The following SKAP1 variants were observed in gnomAD, a reference collection of about 807,000 sequenced individuals.
The protein encoded by SKAP1 is src kinase-associated phosphoprotein 1.
Under a neutral mutation model 58.5 loss-of-function variants are expected in SKAP1, and 44 were observed. The ratio of observed to expected loss-of-function variants is 0.75; its 90% CI spans 0.59 to 0.97. The LOEUF (loss-of-function observed/expected upper bound fraction) is 0.97, where lower values mean the gene tolerates loss of function less well. Among genes scored for constraint, SKAP1 ranks in the 50% least tolerant of loss-of-function variants. The probability of loss-of-function intolerance (pLI) is 0.00; values close to 1 mark genes in which losing one functional copy is unlikely to be tolerated. For synonymous variants in SKAP1, 127 were observed against 149.7 expected, an observed-to-expected ratio of 0.85 and a Z score of 1.11; for missense variants, 390 against 435.2, an observed-to-expected ratio of 0.90 and a Z score of 0.92.
intron 1 of SKAP1, among the ~76,000 whole-genome samples, chr17:48,417,866 A>G (rs1037578070): frequency 1.1e-4 from 17 of 152,246 alleles, no homozygotes; most frequent in African/African-American, 4.1e-4. Flanking sequence ...ACATCCATCA[A>G]TAGGACAATT....
intron 4 of SKAP1, among the ~76,000 whole-genome samples, chr17:48,272,511 G>C (rs2065646081): frequency 6.6e-6 from 1 of 151,858 alleles, no homozygotes; most frequent in African/African-American, 2.4e-5. Flanking sequence ...CCAGATTCTA[G>C]GGACAAAGAA....
chr17:48,438,001 A>G, the SKAP1 span, among the ~76,000 whole-genome samples: 4 of 152,142 alleles, frequency 2.6e-5, no homozygotes, highest in Middle Eastern at 3.4e-3. Context: ...CCGGCCTCCC[A>G]CATCCAATTT....
At chr17:48,145,635 C>A (rs911465510) in intron 11 of SKAP1, among the ~76,000 whole-genome samples, 5 of 152,082 alleles carry the variant, frequency 3.3e-5, no homozygotes, top group Non-Finnish European at 5.9e-5. Flanking sequence ...AATACCCTGT[C>A]AGTAGGTGTC....
chr17:48,316,181 T>G (rs1431974176), intron 4 of SKAP1, among the ~76,000 whole-genome samples: 3 of 152,210 alleles, frequency 2.0e-5, no homozygotes, highest in Non-Finnish European at 4.4e-5. Context: ...TCCCATGATA[T>G]GCAAAATAAA....
chr17:48,223,078 A>G (rs2065023876), intron 4 of SKAP1, among the ~76,000 whole-genome samples: 1 of 151,054 alleles, frequency 6.6e-6, no homozygotes, highest in African/African-American at 2.4e-5. Flanking sequence ...AAAAAAAAAA[A>G]AAAAAAAAGC....
chr17:48,197,437 C>T (rs2064651500), intron 4 of SKAP1, among the ~76,000 whole-genome samples: 1 of 152,018 alleles, frequency 6.6e-6, no homozygotes, highest in African/African-American at 2.4e-5. Flanking sequence ...AAGATTTTCC[C>T]CAGCACTTTG....
At chr17:48,180,752 G>GA (rs1335510086) in intron 8 of SKAP1, among the ~76,000 whole-genome samples, 2 of 151,966 alleles carry the variant, frequency 1.3e-5, no homozygotes, top group Non-Finnish European at 2.9e-5. Flanking sequence ...TGTTCGCAGA[G>GA]AAAAAAATGG....
intron 4 of SKAP1, among the ~76,000 whole-genome samples, chr17:48,325,205 G>C (rs1203687117): frequency 7.2e-6 from 1 of 139,644 alleles, no homozygotes; most frequent in East Asian, 2.1e-4. Flanking sequence ...GCGGAGAGCA[G>C]GCCACTGCAC....
At chr17:48,441,277 T>C in the SKAP1 span, among the ~76,000 whole-genome samples, 4 of 152,160 alleles carry the variant, frequency 2.6e-5, no homozygotes, top group African/African-American at 9.7e-5. Flanking sequence ...GAAGGAACTT[T>C]AGAAACCCTT....
Position 48,266,762 on chromosome 17 carries a change from G to A in SKAP1, c.281-77262C>T, listed in dbSNP as rs536989388. 1.2e-3 allele frequency among the ~76,000 whole-genome samples: 182 copies of A among 151,944 alleles called. 1 individual carries two copies. The highest frequency in any genetic ancestry group is 4.3e-3 in the African/African-American group (179 of 41,466). On this transcript the variant is annotated intron_variant, in intron 4 of 12. Transcript: ENST00000336915. ...CTTGACCTCGTGATCCACCAGCCTC[G>A]GCCTCCCAAAGTGCTGGGATTACAG...
chr17:48,201,496 C>T (rs1006385144), intron 4 of SKAP1, among the ~76,000 whole-genome samples: 4 of 152,042 alleles, frequency 2.6e-5, no homozygotes, highest in African/African-American at 9.7e-5. Flanking sequence ...ACCCTCCTGC[C>T]CTCAGCCTCC....
intron 3 of SKAP1, among the ~76,000 whole-genome samples, chr17:48,356,368 T>C (rs2066876416): frequency 6.6e-6 from 1 of 152,148 alleles, no homozygotes; most frequent in Non-Finnish European, 1.5e-5. Flanking sequence ...TACCATGCTG[T>C]TTTTTTGTTT....
chr17:48,152,022 G>A (rs892342970), intron 11 of SKAP1, among the ~76,000 whole-genome samples: 12 of 152,078 alleles, frequency 7.9e-5, no homozygotes, highest in African/African-American at 2.9e-4. Flanking sequence ...AAGGATTTTT[G>A]TTCAAATCTG....
At chr17:48,166,551 C>T (rs1235068670) in intron 10 of SKAP1, among the ~76,000 whole-genome samples, 1 of 152,172 alleles carries the variant, frequency 6.6e-6, no homozygotes, top group Non-Finnish European at 1.5e-5. Context: ...GTTTGGGAGT[C>T]ACTGGGTAGC....
At chr17:48,311,962 T>G (rs1025462582) in intron 4 of SKAP1, among the ~76,000 whole-genome samples, 1 of 152,230 alleles carries the variant, frequency 6.6e-6, no homozygotes, top group Non-Finnish European at 1.5e-5. Flanking sequence ...TTTCATCAAA[T>G]GCTTTCTTGT....
intron 1 of SKAP1, among the ~76,000 whole-genome samples, chr17:48,418,259 C>T (rs565733332): frequency 6.6e-6 from 1 of 152,300 alleles, no homozygotes; most frequent in Non-Finnish European, 1.5e-5. Context: ...CACTGCGCTC[C>T]AGCCTGGACA....
At chr17:48,262,758 CTTAA>C (rs1429363447) in intron 4 of SKAP1, among the ~76,000 whole-genome samples, 6 of 152,292 alleles carry the variant, frequency 3.9e-5, no homozygotes, top group African/African-American at 1.4e-4. Flanking sequence ...GAAGTCAACA[CTTAA>C]TTATTCAGCT....
At chr17:48,280,198 T>C (rs569075146) in intron 4 of SKAP1, among the ~76,000 whole-genome samples, 27 of 152,310 alleles carry the variant, frequency 1.8e-4, no homozygotes, top group Non-Finnish European at 3.5e-4. Flanking sequence ...CCAGGCGCTA[T>C]GGCTCATGCC....
At chr17:48,428,724 T>C (rs1407799920) in intron 1 of SKAP1, among the ~76,000 whole-genome samples, 1 of 152,232 alleles carries the variant, frequency 6.6e-6, no homozygotes, top group African/African-American at 2.4e-5. Context: ...CAGTCCCTTC[T>C]TTCCTAGAAA....
Sources: gnomAD v4.1 joint callset for allele counts (sites outside exome capture counted in the v4.1 genomes callset) on GRCh38, gnomAD v4.1.1 for gene constraint, MANE v1.5 for transcripts, NCBI Gene and HGNC (gene_info 2026-07-23, HGNC 2026-07-21) for gene names.